UNKL: variants seen among roughly 807,000 people sequenced by gnomAD.
UNKL encodes putative E3 ubiquitin-protein ligase UNKL.
In UNKL, 60 loss-of-function variants were observed where a neutral mutation model predicts 78.0. The observed-to-expected ratio is 0.77, with a 90% CI of 0.63 to 0.95. UNKL has a LOEUF of 0.95. UNKL is among the 40% of genes least tolerant of loss of function. The probability of loss-of-function intolerance (pLI) is 0.00; values close to 1 mark genes in which losing one functional copy is unlikely to be tolerated. For missense variants in UNKL, 1,159 were observed against 1,045.7 expected, an observed-to-expected ratio of 1.11 and a Z score of -1.49; for synonymous variants, 608 against 474.8, an observed-to-expected ratio of 1.28 and a Z score of -3.65.
At chr16:1,390,487 G>A in intron 9 of UNKL, 145 bp downstream of exon 9, 2 of 785,724 alleles carry the variant, frequency 2.5e-6, no homozygotes, top group East Asian at 2.9e-5. Flanking sequence ...ACGTCAACCA[G>A]ATGGCTTTGC....
intron 2 of UNKL, among the ~76,000 whole-genome samples, chr16:1,410,714 C>A: frequency 6.6e-6 from 1 of 152,196 alleles, no homozygotes; most frequent in Admixed American, 6.5e-5. Context: ...ACTTGCAACT[C>A]AGGATCCCAG....
At position 1,399,997 on chromosome 16, in the gene UNKL, C is replaced by T. The variant is rs73487902; in HGVS notation, c.599-488G>A. Among the ~76,000 whole-genome samples the T allele has an allele frequency of 7.1e-3, 1,087 of 152,244 alleles. 17 individuals are homozygous for T. The highest frequency in any genetic ancestry group is 0.025 in the African/African-American group (1,037 of 41,534). On this transcript the variant is annotated intron_variant, in intron 4 of 14. Transcript: ENST00000389221. The surrounding 1 kb of genome is among the most constrained non-coding windows in gnomAD (Gnocchi z 5.8). ...GTGTGGGTTCACTGTTGGTAAAGAG[C>T]GTACCTCGCAGTGCAGGAGGTGCAC...
chr16:1,399,108 C>T lies in UNKL; in HGVS notation c.734+266G>A, dbSNP rs546836181. 41 of 1,209,146 alleles carry T rather than the reference C, an allele frequency of 3.4e-5. No homozygotes were observed. The African/African-American group carries it at 4.3e-4, about 13-fold the overall frequency. 74.9% of individuals were successfully genotyped at this position (1,209,146 alleles called of 1,614,324 possible). A position where few individuals can be genotyped will look rare whatever the true frequency, so the allele number is the denominator to read the frequency against. ...GCTTGGGGTCCCTCCTGCAGTGCTC[C>T]GTCCCCTTGCCTGGCAGAGGGGCCC... On this transcript the variant is annotated intron_variant, in intron 5 of 14. Coordinates refer to ENST00000389221, the MANE Select transcript of UNKL (RefSeq NM_001372107.1). This position sits in a 1 kb window ranked among gnomAD's most constrained non-coding sequence, Gnocchi z 5.8.
chr16:1,378,951 A>T (rs1225589639), intron 10 of UNKL: 3 of 152,300 alleles, frequency 2.0e-5, no homozygotes, highest in Non-Finnish European at 2.9e-5. Flanking sequence ...CTTCTGAAAC[A>T]TTCTCAAAGA....
At chr16:1,384,412 G>T (rs2036729548) in intron 10 of UNKL, among the ~76,000 whole-genome samples, 1 of 152,056 alleles carries the variant, frequency 6.6e-6, no homozygotes, top group Non-Finnish European at 1.5e-5. Context: ...CTCCCAGCCA[G>T]GCCCCCACGG....
intron 11 of UNKL, 59 bp downstream of exon 11, chr16:1,371,460 A>C (rs1383285706): frequency 1.3e-6 from 2 of 1,505,136 alleles, no homozygotes; most frequent in East Asian, 2.5e-5. Flanking sequence ...TCCTCCGGCC[A>C]CAGCACTTGG....
chr16:1,408,603 G>C (rs1271220068), intron 2 of UNKL: 1 of 153,748 alleles, frequency 6.5e-6, no homozygotes, highest in Non-Finnish European at 1.5e-5. Context: ...GGCTGTAGGA[G>C]GTCACCCTCC....
chr16:1,413,563 C>T (rs1224687402), intron 2 of UNKL, among the ~76,000 whole-genome samples: 1 of 152,126 alleles, frequency 6.6e-6, no homozygotes, highest in African/African-American at 2.4e-5. Flanking sequence ...AGTGAAACTC[C>T]GTCTCAAAAA....
chr16:1,371,423 A>T (rs529308590), intron 11 of UNKL, 96 bp downstream of exon 11: 7 of 1,231,784 alleles, frequency 5.7e-6, no homozygotes, highest in Non-Finnish European at 7.9e-6. Flanking sequence ...AGCTCACTGC[A>T]GCCTTGACCT....
At chr16:1,388,136 G>A (rs2036895964) in intron 9 of UNKL, among the ~76,000 whole-genome samples, 1 of 152,280 alleles carries the variant, frequency 6.6e-6, no homozygotes, top group South Asian at 2.1e-4. Context: ...AGCCGTGGAC[G>A]ACGCTGGGGT....
rs61738762 is a variant in UNKL at position 1,399,385 on chromosome 16, C to T, written c.723G>A (p.Arg241=). 2,974 of 1,597,068 alleles carry T rather than the reference C, an allele frequency of 1.9e-3. 41 individuals are homozygous for T. The African/African-American group carries it at 0.034, about 18-fold the overall frequency. The change falls in exon 5 of 15, where the codon CGG becomes CGA. Residue 241 remains arginine (R), a synonymous_variant. Transcript: ENST00000389221. This position sits in a 1 kb window ranked among gnomAD's most constrained non-coding sequence, Gnocchi z 5.8. ...TCCCGCAGGCTCACCTGTACTGGAA[C>T]CGCCGGGGGTTGCGCCGCCTGTCCC... The part of the protein sequence containing the change: ...NSRDRRRNPR[R]FQYRSTPCPS...
At chr16:1,398,566 G>A in intron 5 of UNKL, 1 of 1,389,514 alleles carries the variant, frequency 7.2e-7, no homozygotes, top group Non-Finnish European at 9.3e-7. Flanking sequence ...GGCAGCACCA[G>A]GTCATTCAAA....
intron 2 of UNKL, among the ~76,000 whole-genome samples, chr16:1,410,940 C>G (rs763737616): frequency 3.3e-5 from 5 of 152,180 alleles, no homozygotes; most frequent in Non-Finnish European, 5.9e-5. Flanking sequence ...CCTGCCTTAA[C>G]AACACTATGG....
Position 1,413,861 on chromosome 16 carries a change from C to A in UNKL, c.272G>T (p.Cys91Phe). ...CSKYNEATGV[C>F]PDGDECPYLH... is the part of the protein sequence containing the mutation. ...GGCCGCTTACTCGTCGCCGTCGGGG[C>A]ACACGCCGGTGGCTTCGTTGTACTT... The change falls in exon 2 of 15, where the codon TGC (cysteine) becomes TTC (phenylalanine). Residue 91 changes from cysteine to phenylalanine, a missense_variant. Physicochemically the swap from Cys to Phe is radical, Grantham distance 205. Transcript: ENST00000389221. The A allele has an allele frequency of 6.5e-7, 1 of 1,527,512 alleles. No homozygotes were observed. The allele number at this position is 1,527,512 out of a possible 1,614,324, so 94.6% of individuals were successfully genotyped here. A position where few individuals can be genotyped will look rare whatever the true frequency, so the allele number is the denominator to read the frequency against.
intron 11 of UNKL, among the ~76,000 whole-genome samples, chr16:1,370,620 G>C (rs1346325714): frequency 6.6e-6 from 1 of 151,594 alleles, no homozygotes; most frequent in Non-Finnish European, 1.5e-5. Context: ...TTTAACATGG[G>C]CCCCCCCCAA....
At chr16:1,401,248 G>A (rs909270288) in intron 4 of UNKL, 4 of 249,494 alleles carry the variant, frequency 1.6e-5, no homozygotes, top group South Asian at 1.6e-4. Context: ...TGGGCGCCCC[G>A]GCTCTGGGAC....
intron 4 of UNKL, 59 bp downstream of exon 4, chr16:1,401,509 T>A: frequency 2.1e-6 from 3 of 1,427,902 alleles, no homozygotes; most frequent in Non-Finnish European, 2.8e-6. Context: ...TGGCCCGAGC[T>A]GTTCTCGCGC....
At chr16:1,370,080 C>G (rs1451009978) in intron 12 of UNKL, 50 bp downstream of exon 12, 1 of 1,546,364 alleles carries the variant, frequency 6.5e-7, no homozygotes, top group African/African-American at 1.4e-5. Context: ...TGGGAGGGAG[C>G]CCCACGGAGG....
In UNKL at chr16:1,402,428, C is replaced by T. The variant is rs190156877; in HGVS notation, c.465-727G>A. Reference sequence around the variant, plus strand: ...CTGTAATCCCAGAATTTCAGGAGGCCGAGGCGGGCAGATCATGAGGTCAGG... The same window carrying T: ...CTGTAATCCCAGAATTTCAGGAGGCTGAGGCGGGCAGATCATGAGGTCAGG... On this transcript the variant is annotated intron_variant, in intron 3 of 14. Transcript: ENST00000389221. Among the ~76,000 whole-genome samples the T allele has an allele frequency of 4.4e-4, 67 of 152,098 alleles. No individual in the cohort carries two copies. The East Asian group carries it at 0.012, about 28-fold the overall frequency.
Sources: allele counts gnomAD v4.1 joint callset (sites outside exome capture counted in the v4.1 genomes callset), GRCh38; gene constraint gnomAD v4.1.1; non-coding constraint Gnocchi (gnomAD v3.1); transcripts MANE v1.5; gene names NCBI Gene and HGNC (gene_info 2026-07-23, HGNC 2026-07-21).